Variants in TBRG1 observed in about 807,000 individuals in gnomAD.
TBRG1 encodes transforming growth factor beta regulator 1.
TBRG1 carries 31 observed loss-of-function variants against 44.0 expected under a neutral mutation model. The ratio of observed to expected loss-of-function variants is 0.70; its 90% confidence interval spans 0.53 to 0.95. The LOEUF is 0.95. Ranked by LOEUF, TBRG1 falls within the 40% of genes least tolerant of loss-of-function variation. TBRG1 has a pLI of 0.00. For synonymous variants in TBRG1, 171 were observed against 188.1 expected, an observed-to-expected ratio of 0.91 and a Z score of 0.74; for missense variants, 487 against 496.1, an observed-to-expected ratio of 0.98 and a Z score of 0.18.
rs55813701 is a variant in TBRG1, at chr11:124,625,884, A to G, written c.435A>G (p.Lys145=). Residue 145 remains lysine (K), a synonymous_variant, in exon 3 of 9, where the codon AAA becomes AAG. Coordinates refer to ENST00000441174, the MANE Select transcript of TBRG1 (RefSeq NM_032811.3). Reference sequence around the variant, plus strand: ...AGAAGGAGAAAAAAGAAAAAGGCAAAGAGAACAACAAACTGGAAGGTACTT... The same window carrying G: ...AGAAGGAGAAAAAAGAAAAAGGCAAGGAGAACAACAAACTGGAAGGTACTT... ...KTKKEKKEKG[K]ENNKLEVLKK... 44 of 1,578,592 alleles carry G rather than the reference A, an allele frequency of 2.8e-5. No homozygotes were observed. Among genetic ancestry groups the G allele is most frequent in the Non-Finnish European group, 3.8e-5 (44 of 1,165,020 alleles).
At chr11:124,624,138 T>C (rs1942403021) in intron 1 of TBRG1, among the ~76,000 whole-genome samples, 1 of 152,202 alleles carries the variant, frequency 6.6e-6, no homozygotes, top group South Asian at 2.1e-4. Flanking sequence ...TAGCATCTGA[T>C]TGACTGTTCC....
Position 124,633,519 on chromosome 11 carries a change from C to G in TBRG1, c.*1281C>G, listed in dbSNP as rs1230838998. The G allele has an allele frequency of 2.0e-5, 3 of 152,170 alleles. No homozygotes were observed. Among genetic ancestry groups the G allele is most frequent in the African/African-American group, 7.2e-5 (3 of 41,420 alleles). The allele number at this position is 152,170 out of a possible 1,614,324, so 9.4% of individuals were successfully genotyped here. A position where few individuals can be genotyped will look rare whatever the true frequency, so the allele number is the denominator to read the frequency against. On this transcript the variant is annotated 3_prime_UTR_variant, in exon 9 of 9. Coordinates refer to ENST00000441174, the MANE Select transcript of TBRG1 (RefSeq NM_032811.3). The stretch of plus-strand genomic sequence containing the variant: ...TCATAATTGCCAATTGAGGACAACA[C>G]AAATGGGATTGGTACTTTATAGTAA...
At chr11:124,627,119 T>C in intron 5 of TBRG1, 69 bp downstream of exon 5, 1 of 1,060,542 alleles carries the variant, frequency 9.4e-7, no homozygotes, top group East Asian at 2.6e-5. Flanking sequence ...GTATTACCTG[T>C]TCTGATACCT....
At chr11:124,630,532 T>C (rs910692039) in intron 6 of TBRG1, 47 bp downstream of exon 6, 1 of 1,360,828 alleles carries the variant, frequency 7.3e-7, no homozygotes, top group African/African-American at 1.4e-5. Context: ...TCACTGTTGG[T>C]ACAGTGAAAC....
rs1317583662 is a variant in TBRG1 at position 124,623,143 on chromosome 11, C to G, written c.60C>G (p.Ala20=). 2 of 1,551,468 alleles carry G rather than the reference C, an allele frequency of 1.3e-6. No homozygotes were observed. The highest frequency in any genetic ancestry group is 2.7e-5 in the African/African-American group (2 of 73,058). The change falls in exon 1 of 9, where the codon GCC becomes GCG. Residue 20 remains alanine (A), a synonymous_variant. Transcript: ENST00000441174. ...GGGCTCCGCTGCAGTCCAGCAAGGC[C>G]AGGATGAAAAAGCTCCCGAAGAAGA... The part of the protein sequence containing the change: ...SPRAPLQSSK[A]RMKKLPKKSQ...
intron 1 of TBRG1, 110 bp from the exon 2 acceptor site, chr11:124,624,821 C>G: frequency 1.4e-6 from 1 of 731,940 alleles, no homozygotes; most frequent in South Asian, 1.7e-5. Flanking sequence ...ATAGCTCCTT[C>G]TTCTCAGTAA....
chr11:124,624,781 G>A (rs1483699519), intron 1 of TBRG1, 150 bp from the exon 2 acceptor site: 6 of 624,668 alleles, frequency 9.6e-6, no homozygotes, highest in Non-Finnish European at 1.7e-5. Flanking sequence ...CTTTATCTAT[G>A]GATTTATTTA....
rs1477639491 is a variant in TBRG1, at chr11:124,623,221, G to A, written c.138G>A (p.Lys46=). ...ACCTGCGGCTGCGCAAAGCGGCCAAGGCCACGGTGTTTGTGAGTCTGACCC... is the reference window on the plus strand; with the variant it reads ...ACCTGCGGCTGCGCAAAGCGGCCAAAGCCACGGTGTTTGTGAGTCTGACCC... ...LKYLRLRKAA[K]ATVFENAAIC... Residue 46 remains lysine, a synonymous_variant, in exon 1 of 9, where the codon AAG becomes AAA. Transcript: ENST00000441174. 1.9e-6 allele frequency: 3 copies of A among 1,551,508 alleles called. No individual in the cohort carries two copies. The South Asian group carries it at 3.6e-5, about 18-fold the overall frequency.
chr11:124,631,701 A>G (rs1591377447), intron 8 of TBRG1: 1 of 490,798 alleles, frequency 2.0e-6, no homozygotes, highest in African/African-American at 1.9e-5. Flanking sequence ...GCAGAACACC[A>G]GGGGAAAGTT....
chr11:124,632,348 C>A lies in TBRG1; in HGVS notation c.*110C>A, dbSNP rs1256255615. On this transcript the variant is annotated 3_prime_UTR_variant, in exon 9 of 9. Transcript: ENST00000441174. The stretch of plus-strand genomic sequence containing the variant: ...AATTCAGAAGTAAAGAAGATACTAA[C>A]GTATTTCATCATGGAAGGTCCTGTG... The A allele has an allele frequency of 2.2e-6, 2 of 892,332 alleles. No individual in the cohort carries two copies. Among genetic ancestry groups the A allele is most frequent in the Non-Finnish European group, 3.4e-6 (2 of 583,248 alleles). 55.3% of individuals were successfully genotyped at this position (892,332 alleles called of 1,614,324 possible).
At position 124,626,558 on chromosome 11, in the gene TBRG1, G is replaced by A. The variant is rs1462424696; in HGVS notation, c.540G>A (p.Arg180=). ...CCATTGCCCTGGATCCCTCAGGACG[G>A]CCTGTGTTCCCCATCGGACTAGGGG... ...VQPIALDPSG[R]PVFPIGLGGL... is the part of the protein sequence containing the mutation. The change falls in exon 4 of 9, where the codon CGG becomes CGA. Residue 180 remains arginine (R), a synonymous_variant. Coordinates refer to ENST00000441174, the MANE Select transcript of TBRG1 (RefSeq NM_032811.3). The A allele has an allele frequency of 3.2e-6, 5 of 1,551,558 alleles. No individual in the cohort carries two copies. Among genetic ancestry groups the A allele is most frequent in the Middle Eastern group, 1.7e-4 (1 of 5,988 alleles).
At position 124,633,797 on chromosome 11, in the gene TBRG1, TAC is replaced by T. The variant is rs1284881316; in HGVS notation, c.*1563_*1564del. 1.3e-5 allele frequency: 2 copies of T among 152,356 alleles called. No homozygotes were observed. The highest frequency in any genetic ancestry group is 4.1e-4 in the South Asian group (2 of 4,830). The allele number at this position is 152,356 out of a possible 1,614,324, so 9.4% of individuals were successfully genotyped here. A position where few individuals can be genotyped will look rare whatever the true frequency, so the allele number is the denominator to read the frequency against. ...TAAATGGCTTGAGCATACTGGCATT[TAC>T]ACAGAAATGATATATGCTGCTTTTA... On this transcript the variant is annotated 3_prime_UTR_variant, in exon 9 of 9. Transcript: ENST00000441174.
At position 124,626,984 on chromosome 11, in the gene TBRG1, C is replaced by T. The variant is rs1253635905; in HGVS notation, c.672C>T (p.Ser224=). The change falls in exon 5 of 9, where the codon AGC becomes AGT. Residue 224 remains serine, a synonymous_variant. Coordinates refer to ENST00000441174, the MANE Select transcript of TBRG1 (RefSeq NM_032811.3). The part of the protein sequence containing the change: ...VGYCSTRIYA[S]MKCPDQKCLY... ...ATTGCAGTACTCGAATATATGCCAGCATGAAGTGCCCAGACCAGAAGTGTC... is the reference window on the plus strand; with the variant it reads ...ATTGCAGTACTCGAATATATGCCAGTATGAAGTGCCCAGACCAGAAGTGTC... 5.1e-6 allele frequency: 8 copies of T among 1,581,864 alleles called. No homozygotes were observed. Among genetic ancestry groups the T allele is most frequent in the Non-Finnish European group, 6.9e-6 (8 of 1,162,438 alleles).
At chr11:124,625,204 G>A (rs983807881) in intron 2 of TBRG1, among the ~76,000 whole-genome samples, 12 of 152,170 alleles carry the variant, frequency 7.9e-5, no homozygotes, top group South Asian at 2.1e-4. Flanking sequence ...GGGCCATGGC[G>A]ATGAGACAGC....
At position 124,628,116 on chromosome 11, in the gene TBRG1, TACACAC is replaced by T. The variant is rs368617758; in HGVS notation, c.738+1092_738+1097del. The stretch of plus-strand genomic sequence containing the variant: ...ATATATATATATATATATATATATA[TACACAC>T]ACACACACACACACACACACACACA... On this transcript the variant is annotated intron_variant, in intron 5 of 8. Transcript: ENST00000441174. Among the ~76,000 whole-genome samples, 215 of 41,816 alleles carry T rather than the reference TACACAC, an allele frequency of 5.1e-3. 1 individual carries two copies. The highest frequency in any genetic ancestry group is 0.015 in the African/African-American group (196 of 13,338). 27.4% of individuals were successfully genotyped at this position (41,816 alleles called of 152,430 possible).
rs1254890441 is a variant in TBRG1, at chr11:124,624,955, A to G, written c.175A>G (p.Ile59Val). 2 of 1,548,772 alleles carry G rather than the reference A, an allele frequency of 1.3e-6. No individual in the cohort carries two copies. Among genetic ancestry groups the G allele is most frequent in the South Asian group, 1.2e-5 (1 of 83,208 alleles). Residue 59 changes from isoleucine (I) to valine (V), a missense_variant, in exon 2 of 9, where the codon ATT becomes GTT. Physicochemically the swap from Ile to Val is conservative, Grantham distance 29. Transcript: ENST00000441174. The part of the protein sequence containing the change: ...VFENAAICDE[I>V]ARLEEKFLKA... The stretch of plus-strand genomic sequence containing the variant: ...GGAAAATGCTGCTATTTGTGATGAA[A>G]TTGCTCGTCTTGAGGAAAAATTTCT...
At chr11:124,626,783 T>C in intron 4 of TBRG1, 121 bp from the exon 5 acceptor site, 1 of 1,489,476 alleles carries the variant, frequency 6.7e-7, no homozygotes, top group Non-Finnish European at 9.2e-7. Flanking sequence ...GCCTACTCTC[T>C]GTCTTTGTGT....
chr11:124,630,247 C>T, intron 5 of TBRG1, 141 bp from the exon 6 acceptor site: 1 of 684,408 alleles, frequency 1.5e-6, no homozygotes, highest in African/African-American at 1.8e-5. Context: ...TTTAGCAGCC[C>T]TATAGGAAAG....
chr11:124,631,750 GGTCAA>G, intron 8 of TBRG1: 1 of 436,688 alleles, frequency 2.3e-6, no homozygotes, highest in Admixed American at 4.0e-5. Flanking sequence ...AAGTCAGTGG[GGTCAA>G]GTCAAGGCCT....
Sources: gnomAD v4.1 joint callset for allele counts (sites outside exome capture counted in the v4.1 genomes callset) on GRCh38, gnomAD v4.1.1 for gene constraint, MANE v1.5 for transcripts, NCBI Gene and HGNC (gene_info 2026-07-23, HGNC 2026-07-21) for gene names.